Variants in ANTXR2 observed in about 807,000 individuals in gnomAD.
ANTXR2 encodes the protein ANTXR cell adhesion molecule 2.
A neutral mutation model predicts 73.7 loss-of-function variants in ANTXR2; 44 were observed. The ratio of observed to expected loss-of-function variants is 0.60; its 90% CI spans 0.47 to 0.77. The LOEUF (loss-of-function observed/expected upper bound fraction) is 0.77. Among genes scored for constraint, ANTXR2 ranks in the 30% least tolerant of loss-of-function variants. ANTXR2 has a pLI of 0.00. For synonymous variants in ANTXR2, 217 were observed against 205.9 expected, an observed-to-expected ratio of 1.05 and a Z score of -0.46; for missense variants, 604 against 592.5, an observed-to-expected ratio of 1.02 and a Z score of -0.20.
chr4:80,063,241 T>C (rs568697609), intron 3 of ANTXR2, among the ~76,000 whole-genome samples: 1 of 152,156 alleles, frequency 6.6e-6, no homozygotes. Context: ...GGGTGAGTAA[T>C]TTGTTAGAAG....
chr4:79,912,388 ATAT>A (rs952078243), intron 16 of ANTXR2, among the ~76,000 whole-genome samples: 2 of 151,994 alleles, frequency 1.3e-5, no homozygotes, highest in Non-Finnish European at 2.9e-5. Context: ...GTGCATGTAA[ATAT>A]TAATAATTCA....
intron 16 of ANTXR2, among the ~76,000 whole-genome samples, chr4:79,920,587 AG>A (rs2109943608): frequency 6.6e-6 from 1 of 152,224 alleles, no homozygotes; most frequent in South Asian, 2.1e-4. Context: ...GAAACCAGCA[AG>A]GGCAAAGGCT....
intron 10 of ANTXR2, among the ~76,000 whole-genome samples, chr4:80,023,917 A>G (rs1287383770): frequency 1.3e-5 from 2 of 152,336 alleles, no homozygotes; most frequent in African/African-American, 4.8e-5. Context: ...AAGAGTTTTA[A>G]GTTTGATAGA....
intron 16 of ANTXR2, among the ~76,000 whole-genome samples, chr4:79,922,828 G>A (rs534434757): frequency 6.6e-6 from 1 of 152,078 alleles, no homozygotes; most frequent in East Asian, 1.9e-4. Flanking sequence ...AAGGTTAGCT[G>A]CAAAAAATTA....
At chr4:80,051,752 G>T (rs1733782305) in intron 7 of ANTXR2, among the ~76,000 whole-genome samples, 1 of 151,654 alleles carries the variant, frequency 6.6e-6, no homozygotes, top group Non-Finnish European at 1.5e-5. Flanking sequence ...TGATTTTTGA[G>T]TTGTAAAAGC....
At chr4:80,010,182 G>T (rs184114122) in intron 11 of ANTXR2, among the ~76,000 whole-genome samples, 33 of 152,026 alleles carry the variant, frequency 2.2e-4, no homozygotes, top group African/African-American at 8.0e-4. Context: ...ATTCCAAAGT[G>T]CATCTTTCTT....
chr4:80,003,642 G>A (rs919582473), intron 12 of ANTXR2, among the ~76,000 whole-genome samples: 2 of 151,886 alleles, frequency 1.3e-5, no homozygotes, highest in African/African-American at 4.8e-5. Flanking sequence ...AGCAAATAAT[G>A]GCAGATAAGC....
At chr4:79,923,983 C>T (rs1332009383) in intron 16 of ANTXR2, among the ~76,000 whole-genome samples, 2 of 152,072 alleles carry the variant, frequency 1.3e-5, no homozygotes, top group African/African-American at 4.8e-5. Context: ...TTTCCAAAAA[C>T]ACACACATAT....
At chr4:80,060,487 C>T (rs1227723618) in intron 3 of ANTXR2, among the ~76,000 whole-genome samples, 5 of 152,076 alleles carry the variant, frequency 3.3e-5, no homozygotes, top group Non-Finnish European at 5.9e-5. Context: ...TCTCTTAAAC[C>T]ATAAATAGTT....
intron 16 of ANTXR2, among the ~76,000 whole-genome samples, chr4:79,953,172 T>A: frequency 6.6e-6 from 1 of 152,100 alleles, no homozygotes; most frequent in Non-Finnish European, 1.5e-5. Context: ...GGATTTCTCA[T>A]CAAAAAAATA....
At chr4:79,944,591 A>AT (rs1169469679) in intron 16 of ANTXR2, among the ~76,000 whole-genome samples, 1 of 151,980 alleles carries the variant, frequency 6.6e-6, no homozygotes, top group East Asian at 1.9e-4. Flanking sequence ...AGCATTCACA[A>AT]TAAAAAAAAA....
chr4:79,923,408 T>C (rs1727662355), intron 16 of ANTXR2, among the ~76,000 whole-genome samples: 1 of 152,076 alleles, frequency 6.6e-6, no homozygotes, highest in Non-Finnish European at 1.5e-5. Flanking sequence ...TAGGCCTAGA[T>C]GTTCTGCTTC....
intron 12 of ANTXR2, among the ~76,000 whole-genome samples, chr4:79,986,196 T>C (rs1017891833): frequency 1.3e-5 from 2 of 152,170 alleles, no homozygotes; most frequent in Non-Finnish European, 2.9e-5. Flanking sequence ...ACCATCGTGA[T>C]GGAAAATCTT....
intron 16 of ANTXR2, among the ~76,000 whole-genome samples, chr4:79,937,183 A>T (rs4690128): frequency 0.1 from 15,980 of 152,238 alleles, 1,954 homozygotes; most frequent in East Asian, 0.66. Flanking sequence ...CATTAAAAAA[A>T]CCAGGTGCCT....
chr4:80,006,416 A>G (rs1731302060), intron 12 of ANTXR2, among the ~76,000 whole-genome samples: 1 of 151,938 alleles, frequency 6.6e-6, no homozygotes, highest in Admixed American at 6.6e-5. Context: ...TCATTCACTT[A>G]TATGTAGGTA....
intron 7 of ANTXR2, among the ~76,000 whole-genome samples, chr4:80,048,475 G>T (rs1733625188): frequency 6.6e-6 from 1 of 151,622 alleles, no homozygotes; most frequent in Non-Finnish European, 1.5e-5. Context: ...TTGGTTTCCA[G>T]TTTTGAGTAA....
At chr4:79,919,274 G>C (rs1727471493) in intron 16 of ANTXR2, among the ~76,000 whole-genome samples, 1 of 151,936 alleles carries the variant, frequency 6.6e-6, no homozygotes, top group Admixed American at 6.6e-5. Flanking sequence ...TATGAACGAA[G>C]GATAAATGGA....
intron 16 of ANTXR2, among the ~76,000 whole-genome samples, chr4:79,931,181 T>A (rs1454583897): frequency 6.6e-6 from 1 of 152,214 alleles, no homozygotes; most frequent in Non-Finnish European, 1.5e-5. Flanking sequence ...GTGTACATAA[T>A]TTTGCCAAAC....
intron 16 of ANTXR2, among the ~76,000 whole-genome samples, chr4:79,916,109 G>A (rs149669974): frequency 6.6e-6 from 1 of 151,872 alleles, no homozygotes; most frequent in Non-Finnish European, 1.5e-5. Context: ...ATCTGTCATG[G>A]CACCTGCAAA....
Sources: gnomAD v4.1 joint callset for allele counts (sites outside exome capture counted in the v4.1 genomes callset) on GRCh38, gnomAD v4.1.1 for gene constraint, MANE v1.5 for transcripts, NCBI Gene and HGNC (gene_info 2026-07-23, HGNC 2026-07-21) for gene names.